The following GSG1L variants were observed in gnomAD, a reference collection of about 807,000 sequenced individuals.
GSG1L encodes the protein germ cell-specific gene 1-like protein.
GSG1L carries 24 observed loss-of-function variants against 42.1 expected under a neutral mutation model. That is an observed-to-expected ratio of 0.57 (90% CI 0.41 to 0.80). GSG1L has a LOEUF of 0.80. Among genes scored for constraint, GSG1L ranks in the 30% least tolerant of loss-of-function variants. GSG1L has a pLI of 0.00. For synonymous variants in GSG1L, 215 were observed against 203.5 expected, an observed-to-expected ratio of 1.06 and a Z score of -0.48; for missense variants, 445 against 472.2, an observed-to-expected ratio of 0.94 and a Z score of 0.53.
chr16:27,962,877 C>G (rs77911481), intron 2 of GSG1L, among the ~76,000 whole-genome samples: 1,766 of 152,316 alleles, frequency 0.012, 20 homozygotes, highest in Non-Finnish European at 0.019. Flanking sequence ...ATCATCCCTC[C>G]CACAGTCCCA....
At chr16:28,053,875 G>A (rs895189081) in intron 1 of GSG1L, among the ~76,000 whole-genome samples, 8 of 152,098 alleles carry the variant, frequency 5.3e-5, no homozygotes, top group East Asian at 3.9e-4. Context: ...TGCGGTGCAC[G>A]TGCCTCGATC....
At chr16:28,006,367 G>A (rs954815493) in intron 1 of GSG1L, among the ~76,000 whole-genome samples, 1 of 151,980 alleles carries the variant, frequency 6.6e-6, no homozygotes, top group African/African-American at 2.4e-5. Context: ...AGAGTGCAGA[G>A]GTGTGATCTC....
chr16:27,847,344 G>T (rs1213744973), intron 3 of GSG1L, among the ~76,000 whole-genome samples: 1 of 152,220 alleles, frequency 6.6e-6, no homozygotes, highest in East Asian at 1.9e-4. Context: ...ATGGGGGGAT[G>T]TTGGCCAGGG....
chr16:27,990,513 C>T (rs1476397819), intron 1 of GSG1L, among the ~76,000 whole-genome samples: 2 of 152,060 alleles, frequency 1.3e-5, no homozygotes, highest in African/African-American at 4.8e-5. Flanking sequence ...CTTAATAGAG[C>T]CAATAAAAGG....
At position 27,884,235 on chromosome 16, in the gene GSG1L, T is replaced by C. The variant is rs1340068149; in HGVS notation, c.550+251A>G. ...ATCTGCCTCTCCCTCCCACATGTGT[T>C]ATGCTCCTTGAGGTCTGGGACTGCC... On this transcript the variant is annotated intron_variant, in intron 3 of 6. Coordinates refer to ENST00000447459, the MANE Select transcript of GSG1L (RefSeq NM_001109763.2). The surrounding 1 kb of genome is among the most constrained non-coding windows in gnomAD (Gnocchi z 4.4). Among the ~76,000 whole-genome samples, 1 of 152,230 alleles carries C rather than the reference T, an allele frequency of 6.6e-6. No homozygotes were observed. The highest frequency in any genetic ancestry group is 1.5e-5 in the Non-Finnish European group (1 of 68,030).
At chr16:27,805,881 TC>T (rs1364388693) in intron 6 of GSG1L, among the ~76,000 whole-genome samples, 3 of 151,790 alleles carry the variant, frequency 2.0e-5, no homozygotes, top group African/African-American at 4.8e-5. Context: ...CCTTGACTCT[TC>T]CAGTGGTAGG....
chr16:27,987,486 C>G (rs1399007742), intron 1 of GSG1L, among the ~76,000 whole-genome samples: 1 of 152,114 alleles, frequency 6.6e-6, no homozygotes, highest in Non-Finnish European at 1.5e-5. Context: ...TGCTGTGCCC[C>G]CTGGCTGTGC....
rs542371383 is a variant in GSG1L, at chr16:27,911,449, C to A, written c.398-26811G>T. On this transcript the variant is annotated intron_variant, in intron 2 of 6. Transcript: ENST00000447459. ...GGGATTACAGGCGCCCGCCACCACA[C>A]CCTGCTGATGTTTTGTATTTTTAGT... 4.6e-5 allele frequency among the ~76,000 whole-genome samples: 7 copies of A among 152,304 alleles called. No individual in the cohort carries two copies. In the East Asian group the frequency reaches 5.8e-4, roughly 13 times the overall value.
intron 6 of GSG1L, 77 bp downstream of exon 6, chr16:27,807,410 A>T (rs2082978143): frequency 1.6e-6 from 2 of 1,241,826 alleles, no homozygotes; most frequent in South Asian, 1.3e-5. Flanking sequence ...GGCTGGCCTG[A>T]CTCTTCTCCA....
chr16:27,874,739 T>C (rs1421760159), intron 3 of GSG1L, among the ~76,000 whole-genome samples: 1 of 152,162 alleles, frequency 6.6e-6, no homozygotes, highest in Non-Finnish European at 1.5e-5. Context: ...ATGTGTTTCT[T>C]CCTTTGTCTG....
At chr16:27,997,459 A>G (rs1448025716) in intron 1 of GSG1L, among the ~76,000 whole-genome samples, 1 of 151,422 alleles carries the variant, frequency 6.6e-6, no homozygotes, top group Non-Finnish European at 1.5e-5. Context: ...AGCTGGGATT[A>G]CATGTGCCCA....
chr16:27,979,759 A>G (rs1158126895), intron 1 of GSG1L, among the ~76,000 whole-genome samples: 1 of 137,112 alleles, frequency 7.3e-6, no homozygotes, highest in East Asian at 2.2e-4. Flanking sequence ...GGAAAGAAAG[A>G]AAGAAAGAAG....
intron 4 of GSG1L, among the ~76,000 whole-genome samples, chr16:27,833,381 GT>G (rs1340725788): frequency 1.2e-4 from 18 of 152,054 alleles, no homozygotes; most frequent in Middle Eastern, 3.4e-3. Flanking sequence ...ATATCACACA[GT>G]CTGGAGTATT....
intron 2 of GSG1L, among the ~76,000 whole-genome samples, chr16:27,957,904 G>C (rs1437221414): frequency 3.3e-5 from 5 of 152,108 alleles, no homozygotes; most frequent in South Asian, 4.1e-4. Flanking sequence ...GAGTGAGAAA[G>C]AGAGGAGAGG....
At chr16:27,848,958 G>A (rs1325155729) in intron 3 of GSG1L, among the ~76,000 whole-genome samples, 5 of 152,082 alleles carry the variant, frequency 3.3e-5, no homozygotes, top group Non-Finnish European at 7.4e-5. Context: ...CACTTTGGGA[G>A]GCCGAGGCAG....
chr16:28,002,532 G>T (rs2085589140), intron 1 of GSG1L, among the ~76,000 whole-genome samples: 2 of 151,628 alleles, frequency 1.3e-5, no homozygotes, highest in Non-Finnish European at 2.9e-5. Flanking sequence ...AAGGCAGGGG[G>T]ATGGCTTGAG....
intron 1 of GSG1L, among the ~76,000 whole-genome samples, chr16:28,044,416 T>A (rs1411289498): frequency 6.6e-6 from 1 of 152,352 alleles, no homozygotes; most frequent in South Asian, 2.1e-4. Context: ...TGGTAGTTAG[T>A]TGGCGTTAAA....
chr16:27,901,354 T>C (rs2084255289), intron 2 of GSG1L, among the ~76,000 whole-genome samples: 1 of 152,164 alleles, frequency 6.6e-6, no homozygotes, highest in Non-Finnish European at 1.5e-5. Context: ...TGAGGTTTGT[T>C]GCCACCACAC....
At chr16:27,837,806 G>C (rs892189852) in intron 4 of GSG1L, among the ~76,000 whole-genome samples, 1 of 151,332 alleles carries the variant, frequency 6.6e-6, no homozygotes, top group African/African-American at 2.4e-5. Flanking sequence ...TCAGTGGGCT[G>C]ACCCTTTCTT....
Sources: allele counts gnomAD v4.1 joint callset (sites outside exome capture counted in the v4.1 genomes callset), GRCh38; gene constraint gnomAD v4.1.1; non-coding constraint Gnocchi (gnomAD v3.1); transcripts MANE v1.5; gene names NCBI Gene and HGNC (gene_info 2026-07-23, HGNC 2026-07-21).